Variants in STAG1 observed in about 807,000 individuals in gnomAD.
STAG1 encodes the protein cohesin subunit SA-1.
In STAG1, 26 loss-of-function variants were observed where a neutral mutation model predicts 170.9. The observed-to-expected ratio is 0.15, with a 90% CI of 0.11 to 0.21. The LOEUF (loss-of-function observed/expected upper bound fraction) is 0.21. Among genes scored for constraint, STAG1 ranks in the 10% least tolerant of loss-of-function variants. STAG1 has a pLI of 1.00. For synonymous variants in STAG1, 514 were observed against 497.7 expected (o/e 1.03, Z -0.44); for missense variants, 964 against 1,509.5 (o/e 0.64, Z 5.99).
chr3:136,356,502 T>C (rs952723965), intron 28 of STAG1, among the ~76,000 whole-genome samples: 1 of 152,040 alleles, frequency 6.6e-6, no homozygotes, highest in Non-Finnish European at 1.5e-5. Context: ...GACCTCAGCC[T>C]CCCAAGTAGC....
At chr3:136,412,576 G>A (rs1385460790) in intron 21 of STAG1, among the ~76,000 whole-genome samples, 3 of 152,160 alleles carry the variant, frequency 2.0e-5, no homozygotes, top group Admixed American at 6.5e-5. Flanking sequence ...CTGACATCAC[G>A]TGCCTCCTGA....
chr3:136,724,505 C>A (rs568480658), intron 1 of STAG1, among the ~76,000 whole-genome samples: 2 of 151,620 alleles, frequency 1.3e-5, no homozygotes, highest in African/African-American at 4.8e-5. Flanking sequence ...AAACCAGAGA[C>A]CTTTGTTCAC....
At chr3:136,467,323 G>A (rs2089492660) in intron 12 of STAG1, among the ~76,000 whole-genome samples, 2 of 151,952 alleles carry the variant, frequency 1.3e-5, no homozygotes, top group Non-Finnish European at 2.9e-5. Context: ...GATCTACCAA[G>A]CAAATGGAAA....
At chr3:136,685,843 G>T (rs1385472313) in intron 1 of STAG1, among the ~76,000 whole-genome samples, 1 of 152,156 alleles carries the variant, frequency 6.6e-6, no homozygotes, top group African/African-American at 2.4e-5. Flanking sequence ...AAATATTTCA[G>T]CTGGGAATAT....
intron 1 of STAG1, among the ~76,000 whole-genome samples, chr3:136,719,450 T>G (rs1216698362): frequency 6.6e-6 from 1 of 152,010 alleles, no homozygotes; most frequent in African/African-American, 2.4e-5. Context: ...GTTTTCCAAA[T>G]TAACTAAACA....
At chr3:136,428,428 C>T (rs59778182) in intron 16 of STAG1, among the ~76,000 whole-genome samples, 12,401 of 152,142 alleles carry the variant, frequency 0.082, 1,675 homozygotes, top group African/African-American at 0.28. Context: ...ACGGACAATG[C>T]CCCTGACCAA....
At chr3:136,527,149 G>A (rs940601662) in intron 6 of STAG1, among the ~76,000 whole-genome samples, 2 of 152,158 alleles carry the variant, frequency 1.3e-5, no homozygotes, top group Non-Finnish European at 2.9e-5. Context: ...TGCCTTGCTA[G>A]GTTGGGGAAG....
intron 1 of STAG1, among the ~76,000 whole-genome samples, chr3:136,651,771 C>T (rs1423893562): frequency 6.6e-6 from 1 of 152,096 alleles, no homozygotes; most frequent in African/African-American, 2.4e-5. Context: ...TGGAACGCTG[C>T]CCAATTATCA....
Position 136,447,430 on chromosome 3 carries a change from C to A in STAG1, c.1429-4026G>T, listed in dbSNP as rs113102173. ...GGTGCAGTGAGCTAAGATTCTGCCA[C>A]TGCACTCCAGTCTGGCAACAGACCG... On this transcript the variant is annotated intron_variant, in intron 14 of 33. Transcript: ENST00000383202. Among the ~76,000 whole-genome samples, 5 of 151,882 alleles carry A rather than the reference C, an allele frequency of 3.3e-5. 1 individual carries two copies. The highest frequency in any genetic ancestry group is 1.2e-4 in the African/African-American group (5 of 41,462).
intron 16 of STAG1, among the ~76,000 whole-genome samples, chr3:136,430,802 G>GAC (rs1355086850): frequency 2.7e-4 from 24 of 88,948 alleles, no homozygotes; most frequent in African/African-American, 9.5e-4. Flanking sequence ...AACAGACATA[G>GAC]ACAGACACAC....
chr3:136,527,672 A>G (rs931142915), intron 6 of STAG1, among the ~76,000 whole-genome samples: 4 of 152,040 alleles, frequency 2.6e-5, no homozygotes, highest in Non-Finnish European at 4.4e-5. Flanking sequence ...TGATTTTTAG[A>G]ATTTTCAGCT....
rs146270857 is a variant in STAG1 at position 136,396,520 on chromosome 3, C to CTTTTTTTTTTTT, written c.2277+2217_2277+2228dup. On this transcript the variant is annotated intron_variant, in intron 22 of 33. Transcript: ENST00000383202. ...ACAGGCGTGAGCCACCGCGCCTGGC[C>CTTTTTTTTTTTT]TTTTTTTTTTTTTTTTTTTTTTTTT... is the stretch of plus-strand genomic sequence containing the variant. 1.6e-3 allele frequency among the ~76,000 whole-genome samples: 71 copies of CTTTTTTTTTTTT among 43,658 alleles called. 10 individuals carry two copies. Among genetic ancestry groups the CTTTTTTTTTTTT allele is most frequent in the African/African-American group, 7.3e-3 (63 of 8,644 alleles). The allele number at this position is 43,658 out of a possible 152,430, so 28.6% of individuals were successfully genotyped here. A position where few individuals can be genotyped will look rare whatever the true frequency, so the allele number is the denominator to read the frequency against.
chr3:136,698,326 A>G (rs992818824), intron 1 of STAG1, among the ~76,000 whole-genome samples: 2 of 152,186 alleles, frequency 1.3e-5, no homozygotes, highest in Admixed American at 1.3e-4. Flanking sequence ...CCCATCAAAA[A>G]GTGGGCAAAA....
intron 22 of STAG1, among the ~76,000 whole-genome samples, chr3:136,388,138 CT>C (rs1193309371): frequency 3.9e-4 from 59 of 152,322 alleles, no homozygotes; most frequent in African/African-American, 1.2e-3. Context: ...ATAACATTTA[CT>C]GTTAATTCAA....
intron 1 of STAG1, among the ~76,000 whole-genome samples, chr3:136,706,692 T>C (rs1254651280): frequency 1.3e-5 from 2 of 152,164 alleles, no homozygotes; most frequent in Admixed American, 1.3e-4. Flanking sequence ...ATGGACTTTT[T>C]TGCAAAAATG....
chr3:136,364,418 A>G (rs13076654), intron 25 of STAG1, among the ~76,000 whole-genome samples: 1,537 of 152,264 alleles, frequency 0.01, 30 homozygotes, highest in African/African-American at 0.032. Flanking sequence ...GACAACATCT[A>G]AAAGGTGACA....
chr3:136,740,037 TTTTC>T (rs1484652755), intron 1 of STAG1, among the ~76,000 whole-genome samples: 2 of 152,152 alleles, frequency 1.3e-5, no homozygotes, highest in Non-Finnish European at 2.9e-5. Flanking sequence ...TTGCTTTTTC[TTTTC>T]TTTGTGAACT....
intron 5 of STAG1, among the ~76,000 whole-genome samples, chr3:136,558,120 G>A (rs376344643): frequency 8.5e-5 from 13 of 152,104 alleles, no homozygotes; most frequent in African/African-American, 2.7e-4. Context: ...GGCCAGGTGC[G>A]GTGGCTCATG....
rs867914352 is a variant in STAG1, at chr3:136,721,901, C to T, written c.-84+30294G>A. ...CTGCATTTCAGCCTGGGCAACAGAGCTAGACTCCATCTCAAAAAAAAAAAA... is the reference window on the plus strand; with the variant it reads ...CTGCATTTCAGCCTGGGCAACAGAGTTAGACTCCATCTCAAAAAAAAAAAA... On this transcript the variant is annotated intron_variant, in intron 1 of 33. Coordinates refer to ENST00000383202, the MANE Select transcript of STAG1 (RefSeq NM_005862.3). Among the ~76,000 whole-genome samples, 4 of 150,000 alleles carry T rather than the reference C, an allele frequency of 2.7e-5. No individual in the cohort carries two copies. In the South Asian group the frequency reaches 6.3e-4, roughly 24 times the overall value.
Sources: allele counts gnomAD v4.1 joint callset (sites outside exome capture counted in the v4.1 genomes callset), GRCh38; gene constraint gnomAD v4.1.1; transcripts MANE v1.5; gene names NCBI Gene and HGNC (gene_info 2026-07-23, HGNC 2026-07-21).